AHRR: variants seen among roughly 807,000 people sequenced by gnomAD.
AHRR encodes the protein aryl hydrocarbon receptor repressor, also known as ahR repressor.
In AHRR, 28 loss-of-function variants were observed where a neutral mutation model predicts 44.0. The observed-to-expected ratio is 0.64, with a 90% CI of 0.47 to 0.87. The LOEUF (loss-of-function observed/expected upper bound fraction) is 0.87. AHRR is among the 40% of genes least tolerant of loss of function. The pLI is 0.00. For missense variants in AHRR, 990 were observed against 953.9 expected (o/e 1.04, Z -0.50); for synonymous variants, 434 against 407.0 (o/e 1.07, Z -0.80).
At chr5:340,089 T>G (rs1241483747) in intron 1 of AHRR, among the ~76,000 whole-genome samples, 1 of 152,210 alleles carries the variant, frequency 6.6e-6, no homozygotes, top group Admixed American at 6.5e-5. Flanking sequence ...ATTTTTTCTT[T>G]GATATTTTTT....
chr5:368,012 T>G (rs1403823722), intron 3 of AHRR: 1 of 687,004 alleles, frequency 1.5e-6, no homozygotes, highest in East Asian at 2.7e-5. Flanking sequence ...AAGGCAATGG[T>G]GATTCACAGG....
intron 3 of AHRR, among the ~76,000 whole-genome samples, chr5:373,887 TGGCCCCATCGCGTGACGGCGCCGGC>T (rs1743671541): frequency 6.6e-6 from 1 of 150,460 alleles, no homozygotes; most frequent in Non-Finnish European, 1.5e-5. Context: ...GAGGCCTGGC[TGGCCCCATCGCGTGACGGCGCCGGC>T]GGCTGCGGGG....
chr5:345,598 CTGTG>C (rs1042248910), intron 2 of AHRR, among the ~76,000 whole-genome samples: 2 of 124,614 alleles, frequency 1.6e-5, no homozygotes, highest in Non-Finnish European at 3.4e-5. Context: ...GGGGGTGTGT[CTGTG>C]TGTGTGGGTG....
chr5:333,891 G>A (rs1426721419), intron 1 of AHRR, among the ~76,000 whole-genome samples: 2 of 152,168 alleles, frequency 1.3e-5, no homozygotes, highest in Non-Finnish European at 2.9e-5. Flanking sequence ...GGGCTTCCTT[G>A]AGCAGTTCTT....
chr5:376,557 A>AACGCGGGGAAACAGAGGTAAGTT, intron 3 of AHRR, 53 bp from the exon 4 acceptor site: 1 of 1,423,184 alleles, frequency 7.0e-7, no homozygotes, highest in Non-Finnish European at 9.5e-7. Flanking sequence ...AATGAAGAAG[A>AACGCGGGGAAACAGAGGTAAGTT]GTGGCCAGGC....
At chr5:324,986 G>C (rs918439239) in intron 1 of AHRR, among the ~76,000 whole-genome samples, 1 of 152,204 alleles carries the variant, frequency 6.6e-6, no homozygotes, top group Admixed American at 6.5e-5. Flanking sequence ...GCACTGAGCT[G>C]GAGACACCTG....
intron 4 of AHRR, among the ~76,000 whole-genome samples, chr5:400,022 C>A (rs1255810490): frequency 6.6e-6 from 1 of 152,218 alleles, no homozygotes; most frequent in Non-Finnish European, 1.5e-5. Flanking sequence ...TCCAGGAGGC[C>A]GGGCCAGCTG....
chr5:426,735 A>G lies in AHRR; in HGVS notation c.709-1072A>G, dbSNP rs557449939. Among the ~76,000 whole-genome samples, 1,171 of 147,944 alleles carry G rather than the reference A, an allele frequency of 7.9e-3. 14 individuals are homozygous for G. The highest frequency in any genetic ancestry group is 0.026 in the African/African-American group (1,042 of 39,904). On this transcript the variant is annotated intron_variant, in intron 7 of 10. Transcript: ENST00000684583. ...GCTAGATGGACAGATAGATGGGTGG[A>G]TGGATGGATGGATGGGAAGATGATG...
At chr5:415,309 GGGAGGC>G (rs1242834495) in intron 5 of AHRR, among the ~76,000 whole-genome samples, 3 of 146,700 alleles carry the variant, frequency 2.0e-5, no homozygotes, top group Non-Finnish European at 3.0e-5. Context: ...CTGGTCGGGT[GGGAGGC>G]CTAGGGGCCG....
intron 4 of AHRR, among the ~76,000 whole-genome samples, chr5:385,257 C>T (rs1734133670): frequency 6.6e-6 from 1 of 152,040 alleles, no homozygotes; most frequent in Admixed American, 6.5e-5. Context: ...TTACTGTAAC[C>T]TTGAACTCTT....
rs1345257580 is a variant in AHRR at position 388,236 on chromosome 5, G to T, written c.351+11520G>T. ...ACAGGGGAAAGCTCAGGTTGGAAGA[G>T]CTCAGGGTTGGGGCAGAAACTCAGG... On this transcript the variant is annotated intron_variant, in intron 4 of 10. Coordinates refer to ENST00000684583, the MANE Select transcript of AHRR (RefSeq NM_001377236.1). This position sits in a 1 kb window ranked among gnomAD's most constrained non-coding sequence, Gnocchi z 5.2. 1.3e-5 allele frequency among the ~76,000 whole-genome samples: 2 copies of T among 152,178 alleles called. No individual in the cohort carries two copies. The highest frequency in any genetic ancestry group is 4.1e-4 in the South Asian group (2 of 4,826).
intron 4 of AHRR, among the ~76,000 whole-genome samples, chr5:380,473 G>A (rs917463920): frequency 1.3e-5 from 2 of 152,090 alleles, no homozygotes; most frequent in African/African-American, 4.8e-5. Flanking sequence ...CATGGTATGT[G>A]TCTCTATTTA....
At position 434,155 on chromosome 5, in the gene AHRR, G is replaced by A. The variant is rs1579719009; in HGVS notation, c.1415G>A (p.Gly472Asp). ...ACCAGCAGACCCATGCGGGATGTCGGTGAGGACCAGGTGCACCCTCCCCTC... is the reference window on the plus strand; with the variant it reads ...ACCAGCAGACCCATGCGGGATGTCGATGAGGACCAGGTGCACCCTCCCCTC... ...SRTSRPMRDVGEDQVHPPLCH... is the reference protein window; with the variant it reads ...SRTSRPMRDVDEDQVHPPLCH... The change falls in exon 11 of 11, where the codon GGT becomes GAT. Residue 472 changes from glycine to aspartate, a missense_variant. Gly to Asp is a moderately conservative substitution (Grantham distance 94). Transcript: ENST00000684583. 1.2e-6 allele frequency: 2 copies of A among 1,607,804 alleles called. No individual in the cohort carries two copies. Among genetic ancestry groups the A allele is most frequent in the Non-Finnish European group, 1.7e-6 (2 of 1,177,528 alleles).
Position 402,553 on chromosome 5 carries a change from C to T in AHRR, c.352-10791C>T, listed in dbSNP as rs549089015. ...GAGGGTGTGGAGAGAAGGGGACCCT[C>T]GTGCACTGTTGGCGGGAAGGTAGAT... On this transcript the variant is annotated intron_variant, in intron 4 of 10. Transcript: ENST00000684583. Among the ~76,000 whole-genome samples, 14 of 152,192 alleles carry T rather than the reference C, an allele frequency of 9.2e-5. No homozygotes were observed. The East Asian group carries it at 9.7e-4, about 11-fold the overall frequency.
At chr5:409,176 A>T (rs188856076) in intron 4 of AHRR, among the ~76,000 whole-genome samples, 1 of 152,244 alleles carries the variant, frequency 6.6e-6, no homozygotes, top group Non-Finnish European at 1.5e-5. Context: ...TCAATTTTTT[A>T]AATTGTCTAA....
intron 4 of AHRR, among the ~76,000 whole-genome samples, chr5:382,091 CTATGT>C (rs1377862015): frequency 1.3e-5 from 2 of 152,086 alleles, no homozygotes; most frequent in Admixed American, 1.3e-4. Flanking sequence ...ACTTTTATGC[CTATGT>C]TCATGAGAAA....
rs139469722 is a variant in AHRR, at chr5:328,377, C to T, written c.-11+6558C>T. On this transcript the variant is annotated intron_variant, in intron 1 of 10. Transcript: ENST00000684583. ...CTGCCTCCTGGGTTCAAGCAATTCT[C>T]CTGCCTCAGCCTCAGAGGCACCCAT... Among the ~76,000 whole-genome samples, 850 of 146,624 alleles carry T rather than the reference C, an allele frequency of 5.8e-3. 5 individuals carry two copies. The highest frequency in any genetic ancestry group is 6.6e-3 in the Non-Finnish European group (444 of 67,360).
At chr5:367,900 A>G in intron 3 of AHRR, 1 of 702,498 alleles carries the variant, frequency 1.4e-6, no homozygotes, top group East Asian at 2.7e-5. Context: ...AGCATTGGAC[A>G]CCCAGGCCCT....
At chr5:352,009 G>C (rs1223707968) in intron 2 of AHRR, among the ~76,000 whole-genome samples, 1 of 152,274 alleles carries the variant, frequency 6.6e-6, no homozygotes, top group African/African-American at 2.4e-5. Flanking sequence ...GGAAGGGTTA[G>C]TGTGGAAAGT....
Sources: allele counts gnomAD v4.1 joint callset (sites outside exome capture counted in the v4.1 genomes callset), GRCh38; gene constraint gnomAD v4.1.1; non-coding constraint Gnocchi (gnomAD v3.1); transcripts MANE v1.5; gene names NCBI Gene and HGNC (gene_info 2026-07-23, HGNC 2026-07-21).